CAMK1D: variants seen among roughly 807,000 people sequenced by gnomAD.
The protein encoded by CAMK1D is calcium/calmodulin-dependent protein kinase type 1D.
Under a neutral mutation model 47.7 loss-of-function variants are expected in CAMK1D, and 9 were observed. The ratio of observed to expected loss-of-function variants is 0.19; its 90% CI spans 0.11 to 0.33. The LOEUF (loss-of-function observed/expected upper bound fraction) is 0.33. CAMK1D is among the 10% of genes least tolerant of loss of function. The pLI, the probability that CAMK1D is intolerant of heterozygous loss-of-function variation, is 1.00. For missense variants in CAMK1D, 291 were observed against 488.7 expected (o/e 0.60, Z 3.81); for synonymous variants, 184 against 184.9 (o/e 0.99, Z 0.04).
At chr10:12,387,155 G>A (rs1838520708) in intron 1 of CAMK1D, among the ~76,000 whole-genome samples, 1 of 148,424 alleles carries the variant, frequency 6.7e-6, no homozygotes, top group Non-Finnish European at 1.5e-5. Context: ...AGTGAGCTGA[G>A]ATTGCACCAC....
rs910066372 is a variant in CAMK1D at position 12,435,221 on chromosome 10, C to CAAAAAAA, written c.92+85330_92+85336dup. ...ATGGGCGAGGAGTGAAACTCTGTCT[C>CAAAAAAA]AAAAAAAAAAAAAAAAAAAAAAAAA... On this transcript the variant is annotated intron_variant, in intron 1 of 10. Coordinates refer to ENST00000619168, the MANE Select transcript of CAMK1D (RefSeq NM_153498.4). 1.0e-3 allele frequency among the ~76,000 whole-genome samples: 44 copies of CAAAAAAA among 43,932 alleles called. 1 individual carries two copies. Among genetic ancestry groups the CAAAAAAA allele is most frequent in the African/African-American group, 1.3e-3 (14 of 10,486 alleles). The allele number at this position is 43,932 out of a possible 152,430, so 28.8% of individuals were successfully genotyped here. A position where few individuals can be genotyped will look rare whatever the true frequency, so the allele number is the denominator to read the frequency against.
rs2131153902 is a variant in CAMK1D, at chr10:12,833,947, T to C, written c.*5060T>C. On this transcript the variant is annotated 3_prime_UTR_variant, in exon 11 of 11. Transcript: ENST00000619168. ...AAAAAAAAAAAAAAAAAGATGTATA[T>C]ACCTGTATGTGATCCACCACCCTTT... 1 of 146,026 alleles carries C rather than the reference T, an allele frequency of 6.8e-6. No individual in the cohort carries two copies. The highest frequency in any genetic ancestry group is 3.7e-3 in the Middle Eastern group (1 of 272). 9.0% of individuals were successfully genotyped at this position (146,026 alleles called of 1,614,324 possible).
At chr10:12,613,949 G>A (rs1421270570) in intron 2 of CAMK1D, among the ~76,000 whole-genome samples, 2 of 152,336 alleles carry the variant, frequency 1.3e-5, no homozygotes, top group Non-Finnish European at 1.5e-5. Context: ...TCTGACGGCA[G>A]AGGCTGTGTA....
At chr10:12,595,572 T>C (rs1190291288) in intron 2 of CAMK1D, among the ~76,000 whole-genome samples, 1 of 151,990 alleles carries the variant, frequency 6.6e-6, no homozygotes, top group Non-Finnish European at 1.5e-5. Flanking sequence ...ATTGTATCTT[T>C]GCATTTGCGT....
intron 6 of CAMK1D, among the ~76,000 whole-genome samples, chr10:12,811,840 C>A (rs1832620598): frequency 6.6e-6 from 1 of 152,256 alleles, no homozygotes; most frequent in African/African-American, 2.4e-5. Context: ...TTGCCTGAAT[C>A]CTCATCGTGG....
At chr10:12,683,622 G>A (rs778592927) in intron 3 of CAMK1D, among the ~76,000 whole-genome samples, 2 of 151,946 alleles carry the variant, frequency 1.3e-5, no homozygotes, top group African/African-American at 4.8e-5. Flanking sequence ...CTGACTATGA[G>A]CTTCTTGAAA....
At chr10:12,749,066 C>T (rs571788800) in intron 3 of CAMK1D, among the ~76,000 whole-genome samples, 9 of 152,186 alleles carry the variant, frequency 5.9e-5, no homozygotes, top group African/African-American at 2.2e-4. Flanking sequence ...AGTGTAAAAG[C>T]GTGAACTTTA....
chr10:12,557,867 G>C (rs568804885), intron 2 of CAMK1D, among the ~76,000 whole-genome samples: 1 of 152,310 alleles, frequency 6.6e-6, no homozygotes, highest in Non-Finnish European at 1.5e-5. Context: ...TTTATTGTAG[G>C]CTGAGAAATT....
intron 2 of CAMK1D, among the ~76,000 whole-genome samples, chr10:12,602,714 C>T (rs764816957): frequency 2.0e-5 from 3 of 151,928 alleles, no homozygotes; most frequent in Non-Finnish European, 4.4e-5. Context: ...TTGGGGAGGA[C>T]CTGCATTGTT....
At chr10:12,427,700 G>GTTTTTTGTTTTTTTTTTTTTT (rs1840284197) in intron 1 of CAMK1D, among the ~76,000 whole-genome samples, 11 of 31,038 alleles carry the variant, frequency 3.5e-4, no homozygotes, top group Non-Finnish European at 5.6e-4. Context: ...TGAACTTACT[G>GTTTTTTGTTTTTTTTTTTTTT]TTTTTTTTTT....
At chr10:12,455,265 G>T (rs1220379953) in intron 1 of CAMK1D, among the ~76,000 whole-genome samples, 2 of 152,130 alleles carry the variant, frequency 1.3e-5, no homozygotes, top group African/African-American at 4.8e-5. Context: ...TTGACCTCCC[G>T]GGCTTAAGCA....
intron 3 of CAMK1D, among the ~76,000 whole-genome samples, chr10:12,673,417 C>G (rs745545452): frequency 6.6e-6 from 1 of 152,066 alleles, no homozygotes; most frequent in Non-Finnish European, 1.5e-5. Flanking sequence ...TTCAATGGAT[C>G]TTTATTTCAT....
At chr10:12,819,268 G>C (rs962658669) in intron 8 of CAMK1D, among the ~76,000 whole-genome samples, 1 of 152,224 alleles carries the variant, frequency 6.6e-6, no homozygotes, top group South Asian at 2.1e-4. Context: ...GGGAAGAGGA[G>C]GGAATTCCAG....
At chr10:12,574,888 G>T (rs78236634) in intron 2 of CAMK1D, among the ~76,000 whole-genome samples, 54 of 151,914 alleles carry the variant, frequency 3.6e-4, no homozygotes, top group African/African-American at 1.2e-3. Context: ...GATGCTGCAC[G>T]CTTCTAACAA....
Position 12,750,139 on chromosome 10 carries a change from C to G in CAMK1D, c.300-10809C>G, listed in dbSNP as rs1031749429. ...GGAAGGCTTTAAAACTATTATCTGT[C>G]AAAATTCGCAACTGACAAATTCCCA... On this transcript the variant is annotated intron_variant, in intron 3 of 10. Transcript: ENST00000619168. Among the ~76,000 whole-genome samples, 10 of 152,174 alleles carry G rather than the reference C, an allele frequency of 6.6e-5. No individual in the cohort carries two copies. The East Asian group carries it at 1.9e-3, about 29-fold the overall frequency.
At chr10:12,653,356 C>G (rs1210456387) in intron 2 of CAMK1D, among the ~76,000 whole-genome samples, 1 of 152,186 alleles carries the variant, frequency 6.6e-6, no homozygotes, top group South Asian at 2.1e-4. Context: ...TACCATAGCA[C>G]AGAGTTGTCC....
intron 1 of CAMK1D, among the ~76,000 whole-genome samples, chr10:12,422,181 A>G (rs1840076243): frequency 1.3e-5 from 2 of 152,178 alleles, no homozygotes; most frequent in South Asian, 2.1e-4. Flanking sequence ...GCAGGTATTC[A>G]GGAGTGATTT....
intron 1 of CAMK1D, among the ~76,000 whole-genome samples, chr10:12,407,440 C>T (rs1839478181): frequency 6.6e-6 from 1 of 152,226 alleles, no homozygotes; most frequent in Non-Finnish European, 1.5e-5. Context: ...CTGGGAACGC[C>T]CCCATGGTTG....
chr10:12,393,420 T>C (rs1299814151), intron 1 of CAMK1D, among the ~76,000 whole-genome samples: 3 of 152,134 alleles, frequency 2.0e-5, no homozygotes, highest in African/African-American at 4.8e-5. Flanking sequence ...GCAAAAACAT[T>C]TCACTCAAGG....
Sources: allele counts gnomAD v4.1 joint callset (sites outside exome capture counted in the v4.1 genomes callset), GRCh38; gene constraint gnomAD v4.1.1; transcripts MANE v1.5; gene names NCBI Gene and HGNC (gene_info 2026-07-23, HGNC 2026-07-21).